Variants in GABRA2 observed in about 807,000 individuals in gnomAD.
The protein encoded by GABRA2 is gamma-aminobutyric acid type A receptor subunit alpha2.
GABRA2 carries 16 observed loss-of-function variants against 48.7 expected under a neutral mutation model. The ratio of observed to expected loss-of-function variants is 0.33; its 90% CI spans 0.22 to 0.50. GABRA2 has a LOEUF of 0.50. Among genes scored for constraint, GABRA2 ranks in the 20% least tolerant of loss-of-function variants. The probability of loss-of-function intolerance (pLI) is 0.98; values close to 1 mark genes in which losing one functional copy is unlikely to be tolerated. For synonymous variants in GABRA2, 185 were observed against 184.5 expected, an observed-to-expected ratio of 1.00 and a Z score of -0.02; for missense variants, 275 against 535.6, an observed-to-expected ratio of 0.51 and a Z score of 4.80.
intron 3 of GABRA2, among the ~76,000 whole-genome samples, chr4:46,339,897 TA>T (rs1732926372): frequency 2.0e-5 from 3 of 151,888 alleles, no homozygotes; most frequent in Admixed American, 2.0e-4. Flanking sequence ...TAGACTTCTA[TA>T]TACAGCTGTC....
chr4:46,288,961 A>G (rs1253543701), intron 8 of GABRA2, among the ~76,000 whole-genome samples: 3 of 152,178 alleles, frequency 2.0e-5, no homozygotes, highest in Admixed American at 2.0e-4. Flanking sequence ...AAAAAACTTA[A>G]CATCATTGAT....
At chr4:46,379,905 C>T (rs1179811621) in intron 3 of GABRA2, among the ~76,000 whole-genome samples, 1 of 152,158 alleles carries the variant, frequency 6.6e-6, no homozygotes, top group East Asian at 1.9e-4. Context: ...ATCTTCCCCT[C>T]GCCTCCACAG....
At chr4:46,327,608 G>T (rs910959987) in intron 4 of GABRA2, among the ~76,000 whole-genome samples, 4 of 151,994 alleles carry the variant, frequency 2.6e-5, no homozygotes, top group Admixed American at 6.6e-5. Flanking sequence ...AACAGATTAA[G>T]TTCAGTGTCA....
At chr4:46,294,185 A>G (rs1724205132) in intron 8 of GABRA2, among the ~76,000 whole-genome samples, 1 of 152,234 alleles carries the variant, frequency 6.6e-6, no homozygotes, top group African/African-American at 2.4e-5. Context: ...GGCTTCCACA[A>G]GATATCACAC....
At chr4:46,258,699 A>G (rs1285389345) in intron 9 of GABRA2, among the ~76,000 whole-genome samples, 1 of 151,806 alleles carries the variant, frequency 6.6e-6, no homozygotes, top group African/African-American at 2.4e-5. Flanking sequence ...AGATACTCTG[A>G]AGTTTGATTT....
intron 3 of GABRA2, among the ~76,000 whole-genome samples, chr4:46,370,349 T>C (rs1714693993): frequency 6.6e-6 from 1 of 150,986 alleles, no homozygotes; most frequent in East Asian, 2.0e-4. Context: ...AGAGAGAAGA[T>C]AAAGAGAAAC....
chr4:46,289,879 T>TTTTTTTTATTTA (rs1256052563), intron 8 of GABRA2, among the ~76,000 whole-genome samples: 6 of 128,322 alleles, frequency 4.7e-5, no homozygotes, highest in African/African-American at 2.7e-4. Context: ...TACCAGTTTA[T>TTTTTTTTATTTA]TTTATTTATT....
intron 4 of GABRA2, among the ~76,000 whole-genome samples, chr4:46,315,964 C>CACAT (rs766108065): frequency 6.6e-6 from 1 of 150,482 alleles, no homozygotes; most frequent in African/African-American, 2.4e-5. Context: ...CACACACACA[C>CACAT]ATATATATAT....
In GABRA2 at chr4:46,248,631, A is replaced by G. The variant is rs992980942; in HGVS notation, c.*1677T>C. ...GGAAACAAAGAAATTTTAAAAATTA[A>G]ATGAGGCAAAGGAATAGCAATTTTT... On this transcript the variant is annotated 3_prime_UTR_variant, in exon 10 of 10. Coordinates refer to ENST00000381620, the MANE Select transcript of GABRA2 (RefSeq NM_000807.4). 6.6e-6 allele frequency: 1 copy of G among 151,444 alleles called. No individual in the cohort carries two copies. Among genetic ancestry groups the G allele is most frequent in the African/African-American group, 2.4e-5 (1 of 41,370 alleles). The allele number at this position is 151,444 out of a possible 1,614,324, so 9.4% of individuals were successfully genotyped here.
chr4:46,270,750 A>C (rs187272817), intron 8 of GABRA2, among the ~76,000 whole-genome samples: 2 of 152,092 alleles, frequency 1.3e-5, no homozygotes, highest in African/African-American at 4.8e-5. Context: ...GGTATAGGCC[A>C]AAAACATTAG....
intron 4 of GABRA2, among the ~76,000 whole-genome samples, chr4:46,322,549 G>T (rs1310958781): frequency 6.6e-6 from 1 of 151,912 alleles, no homozygotes; most frequent in East Asian, 1.9e-4. Flanking sequence ...ATTTTACTAT[G>T]CAAACTCACT....
intron 3 of GABRA2, among the ~76,000 whole-genome samples, chr4:46,335,770 C>T (rs1732126301): frequency 6.6e-6 from 1 of 152,094 alleles, no homozygotes; most frequent in African/African-American, 2.4e-5. Flanking sequence ...CGTGCCTGGC[C>T]CTGATCACTC....
intron 9 of GABRA2, among the ~76,000 whole-genome samples, chr4:46,253,716 A>G (rs1460082043): frequency 6.6e-6 from 1 of 151,480 alleles, no homozygotes; most frequent in African/African-American, 2.4e-5. Flanking sequence ...TACCATTTTT[A>G]GTTAAGAACC....
chr4:46,389,662 G>T, intron 1 of GABRA2, 73 bp downstream of exon 1: 1 of 848,380 alleles, frequency 1.2e-6, no homozygotes. Context: ...GGGGTGGGGG[G>T]AGATGAGGCA....
chr4:46,355,758 T>C (rs911607560), intron 3 of GABRA2, among the ~76,000 whole-genome samples: 2 of 152,138 alleles, frequency 1.3e-5, no homozygotes, highest in African/African-American at 4.8e-5. Flanking sequence ...CCACTGTATG[T>C]TTTCCATCTT....
intron 3 of GABRA2, among the ~76,000 whole-genome samples, chr4:46,340,470 C>CTTCTA (rs143514335): frequency 0.013 from 1,984 of 151,908 alleles, 23 homozygotes; most frequent in Non-Finnish European, 0.02. Flanking sequence ...AATTAAATCC[C>CTTCTA]TTCTATTCTA....
intron 8 of GABRA2, among the ~76,000 whole-genome samples, chr4:46,293,094 CTAAT>C (rs1723980770): frequency 6.6e-6 from 1 of 150,566 alleles, no homozygotes; most frequent in Admixed American, 6.6e-5. Context: ...CTGGCATTGG[CTAAT>C]TAATCATGGT....
At chr4:46,347,082 T>C (rs1243603512) in intron 3 of GABRA2, among the ~76,000 whole-genome samples, 3 of 151,838 alleles carry the variant, frequency 2.0e-5, no homozygotes, top group Non-Finnish European at 2.9e-5. Context: ...ATTGTTGAAA[T>C]CAATTGAAAA....
At position 46,248,713 on chromosome 4, in the gene GABRA2, T is replaced by G. The variant is rs1053649862; in HGVS notation, c.*1595A>C. 1 of 151,508 alleles carries G rather than the reference T, an allele frequency of 6.6e-6. No individual in the cohort carries two copies. Among genetic ancestry groups the G allele is most frequent in the African/African-American group, 2.4e-5 (1 of 41,372 alleles). 9.4% of individuals were successfully genotyped at this position (151,508 alleles called of 1,614,324 possible). On this transcript the variant is annotated 3_prime_UTR_variant, in exon 10 of 10. Transcript: ENST00000381620. Reference sequence around the variant, plus strand: ...CTTTTATTGATTTTATGAACATACCTATTTATGCACTATACTCAAATACTG... The same window carrying G: ...CTTTTATTGATTTTATGAACATACCGATTTATGCACTATACTCAAATACTG...
Sources: gnomAD v4.1 joint callset for allele counts (sites outside exome capture counted in the v4.1 genomes callset) on GRCh38, gnomAD v4.1.1 for gene constraint, MANE v1.5 for transcripts, NCBI Gene and HGNC (gene_info 2026-07-23, HGNC 2026-07-21) for gene names.